CFTR: variants seen among roughly 807,000 people sequenced by gnomAD.
CFTR encodes CF transmembrane conductance regulator.
CFTR carries 181 observed loss-of-function variants against 171.6 expected under a neutral mutation model. The ratio of observed to expected loss-of-function variants is 1.05; its 90% CI spans 0.93 to 1.19. The LOEUF is 1.19. Ranked by LOEUF, CFTR falls within the 50% of genes most tolerant of loss-of-function variation. The probability of loss-of-function intolerance (pLI) is 0.00; values close to 1 mark genes in which losing one functional copy is unlikely to be tolerated. For missense variants in CFTR, 1,968 were observed against 1,734.7 expected (o/e 1.13, Z -2.39); for synonymous variants, 583 against 608.0 (o/e 0.96, Z 0.60).
At chr7:117,666,491 C>A (rs1161222663) in intron 26 of CFTR, among the ~76,000 whole-genome samples, 1 of 152,162 alleles carries the variant, frequency 6.6e-6, no homozygotes, top group African/African-American at 2.4e-5. Context: ...TCAACCTGAA[C>A]AAGCCAAGGA....
At chr7:117,615,968 A>G (rs1791455343) in intron 21 of CFTR, among the ~76,000 whole-genome samples, 1 of 152,026 alleles carries the variant, frequency 6.6e-6, no homozygotes, top group Non-Finnish European at 1.5e-5. Flanking sequence ...TTAAAATTAT[A>G]CTTTTTGCTT....
intron 18 of CFTR, among the ~76,000 whole-genome samples, chr7:117,610,109 C>T (rs1792358898): frequency 1.3e-5 from 2 of 150,598 alleles, no homozygotes; most frequent in South Asian, 4.2e-4. Context: ...AATTGGAAAA[C>T]ATCATTCTCA....
At chr7:117,650,128 A>G (rs973072620) in intron 23 of CFTR, among the ~76,000 whole-genome samples, 2 of 151,050 alleles carry the variant, frequency 1.3e-5, no homozygotes, top group Non-Finnish European at 3.0e-5. Context: ...TGTAGTGGAA[A>G]ACCTTTGAAG....
At chr7:117,623,062 TA>T in intron 21 of CFTR, among the ~76,000 whole-genome samples, 2 of 152,156 alleles carry the variant, frequency 1.3e-5, no homozygotes, top group Non-Finnish European at 2.9e-5. Flanking sequence ...ATAATAAAAT[TA>T]AATAATGAAA....
chr7:117,636,494 T>C (rs367792709), intron 22 of CFTR, among the ~76,000 whole-genome samples: 9 of 152,126 alleles, frequency 5.9e-5, no homozygotes, highest in Non-Finnish European at 1.3e-4. Context: ...TTCTTTTTTT[T>C]CCTTTATTCT....
At chr7:117,628,168 A>G (rs1290922536) in intron 22 of CFTR, among the ~76,000 whole-genome samples, 15 of 152,088 alleles carry the variant, frequency 9.9e-5, no homozygotes, top group Non-Finnish European at 1.6e-4. Context: ...AACAAGTGAT[A>G]CTTTTTTTCT....
At chr7:117,495,394 A>AT (rs963491656) in intron 1 of CFTR, among the ~76,000 whole-genome samples, 8 of 152,006 alleles carry the variant, frequency 5.3e-5, no homozygotes, top group African/African-American at 9.6e-5. Context: ...GATGGGTGGG[A>AT]TTTTTTTTGT....
chr7:117,616,310 A>G (rs1792490448), intron 21 of CFTR: 1 of 150,996 alleles, frequency 6.6e-6, no homozygotes, highest in Admixed American at 6.6e-5. Flanking sequence ...ATGCTTTTGG[A>G]GTTGGGTCTC....
At chr7:117,612,052 TACATATATATATATAG>T (rs1792414557) in intron 20 of CFTR, among the ~76,000 whole-genome samples, 1 of 70,874 alleles carries the variant, frequency 1.4e-5, no homozygotes, top group South Asian at 3.9e-4. Context: ...TATATATATA[TACATATATATATATAG>T]TATTATCCCT....
intron 17 of CFTR, among the ~76,000 whole-genome samples, chr7:117,606,262 G>A (rs1353032578): frequency 6.6e-6 from 1 of 152,050 alleles, no homozygotes; most frequent in East Asian, 1.9e-4. Context: ...GGAAGTCAGA[G>A]GAGAAGGAGA....
chr7:117,517,285 C>G (rs1798610215), intron 3 of CFTR, among the ~76,000 whole-genome samples: 1 of 152,010 alleles, frequency 6.6e-6, no homozygotes, highest in Admixed American at 6.6e-5. Context: ...TCAACTCCCA[C>G]TTATGAGTGA....
In CFTR at chr7:117,504,372, A is replaced by T. The variant is rs397508245; in HGVS notation, c.164+9A>T. On this transcript the variant is annotated intron_variant, in intron 2 of 26. Coordinates refer to ENST00000003084, the MANE Select transcript of CFTR (RefSeq NM_000492.4). ...TCTGAAAAATTGGAAAGGTATGTTC[A>T]TGTACATTGTTTAGTTGAAGAGAGA... 13 of 1,306,156 alleles carry T rather than the reference A, an allele frequency of 1.0e-5. No homozygotes were observed. In the Middle Eastern group the frequency reaches 5.5e-4, roughly 55 times the overall value. 80.9% of individuals were successfully genotyped at this position (1,306,156 alleles called of 1,614,324 possible).
chr7:117,546,174 A>T (rs1026812824), intron 9 of CFTR, among the ~76,000 whole-genome samples: 1 of 151,896 alleles, frequency 6.6e-6, no homozygotes, highest in Non-Finnish European at 1.5e-5. Flanking sequence ...TTGTATTTTT[A>T]GTAGAGACGG....
chr7:117,539,574 A>T (rs1584788931), intron 7 of CFTR, among the ~76,000 whole-genome samples: 1 of 152,228 alleles, frequency 6.6e-6, no homozygotes, highest in Admixed American at 6.5e-5. Context: ...TCTGTAGCTT[A>T]TATGTTATTT....
chr7:117,638,691 G>A (rs1423992574), intron 22 of CFTR, among the ~76,000 whole-genome samples: 7 of 151,388 alleles, frequency 4.6e-5, no homozygotes, highest in South Asian at 2.1e-4. Context: ...AGCTGAGATC[G>A]CGCCACTGCA....
intron 11 of CFTR, among the ~76,000 whole-genome samples, chr7:117,571,879 C>T (rs1292622700): frequency 6.6e-6 from 1 of 152,062 alleles, no homozygotes; most frequent in Non-Finnish European, 1.5e-5. Context: ...CTGTAACATC[C>T]ATTATATTAG....
At chr7:117,664,211 T>C (rs2116219565) in intron 24 of CFTR, among the ~76,000 whole-genome samples, 1 of 152,156 alleles carries the variant, frequency 6.6e-6, no homozygotes, top group South Asian at 2.1e-4. Context: ...AGATGGGAGG[T>C]AGCACCAAGG....
intron 9 of CFTR, among the ~76,000 whole-genome samples, chr7:117,546,433 C>A (rs1048284367): frequency 6.6e-6 from 1 of 152,010 alleles, no homozygotes; most frequent in African/African-American, 2.4e-5. Context: ...TTGCAGCTGA[C>A]CTGTATATAT....
At chr7:117,508,394 A>G (rs953681161) in intron 2 of CFTR, among the ~76,000 whole-genome samples, 5 of 152,248 alleles carry the variant, frequency 3.3e-5, no homozygotes, top group African/African-American at 1.2e-4. Context: ...TTTTCAGACT[A>G]TTTAATGTCT....
Sources: allele counts gnomAD v4.1 joint callset (sites outside exome capture counted in the v4.1 genomes callset), GRCh38; gene constraint gnomAD v4.1.1; transcripts MANE v1.5; gene names NCBI Gene and HGNC (gene_info 2026-07-23, HGNC 2026-07-21).